The following FARSB variants were observed in gnomAD, a reference collection of about 807,000 sequenced individuals.
FARSB encodes the protein phenylalanyl-tRNA synthetase subunit beta, also known as phenylalanine--tRNA ligase beta subunit.
In FARSB, 40 loss-of-function variants were observed where a neutral mutation model predicts 69.6. The observed-to-expected ratio is 0.57, with a 90% CI of 0.45 to 0.75. The LOEUF (loss-of-function observed/expected upper bound fraction) is 0.75, where lower values mean the gene tolerates loss of function less well. Among genes scored for constraint, FARSB ranks in the 30% least tolerant of loss-of-function variants. FARSB has a pLI of 0.00. For missense variants in FARSB, 632 were observed against 722.9 expected, an observed-to-expected ratio of 0.87 and a Z score of 1.44; for synonymous variants, 235 against 247.2, an observed-to-expected ratio of 0.95 and a Z score of 0.46.
intron 16 of FARSB, among the ~76,000 whole-genome samples, chr2:222,581,452 G>C (rs568743662): frequency 1.3e-5 from 2 of 152,090 alleles, no homozygotes; most frequent in African/African-American, 4.8e-5. Context: ...CATAGTAAAA[G>C]AAACATTTCC....
chr2:222,575,927 C>G (rs1689828729), intron 16 of FARSB, among the ~76,000 whole-genome samples: 1 of 151,982 alleles, frequency 6.6e-6, no homozygotes, highest in African/African-American at 2.4e-5. Context: ...TTTGTAAGCT[C>G]CCTCTCTTGC....
intron 15 of FARSB, among the ~76,000 whole-genome samples, chr2:222,608,625 TC>T (rs1430129298): frequency 6.6e-6 from 1 of 152,204 alleles, no homozygotes; most frequent in East Asian, 1.9e-4. Flanking sequence ...ATTCTGTATT[TC>T]TACATCCAAA....
At chr2:222,623,620 A>G (rs1302426664) in intron 13 of FARSB, 30 bp downstream of exon 13, 1 of 1,218,214 alleles carries the variant, frequency 8.2e-7, no homozygotes, top group East Asian at 2.3e-5. Flanking sequence ...GTAAATAATC[A>G]TCTGGGCAGA....
At chr2:222,578,119 A>G (rs1559187692) in intron 16 of FARSB, among the ~76,000 whole-genome samples, 1 of 152,200 alleles carries the variant, frequency 6.6e-6, no homozygotes, top group East Asian at 1.9e-4. Context: ...CCATCATCCT[A>G]TATTTGTCTG....
chr2:222,650,225 C>A (rs1457914567), intron 1 of FARSB, among the ~76,000 whole-genome samples: 1 of 152,176 alleles, frequency 6.6e-6, no homozygotes, highest in Non-Finnish European at 1.5e-5. Flanking sequence ...AAGTTCATAT[C>A]AGAAGATATG....
rs373574861 is a variant in FARSB at position 222,620,984 on chromosome 2, T to G, written c.1252-1247A>C. ...CAGCTCCCGGATCTGCTACAGCTGC[T>G]GAGATGGAGAATGGTGACATGCACA... On this transcript the variant is annotated intron_variant, in intron 13 of 16. Coordinates refer to ENST00000281828, the MANE Select transcript of FARSB (RefSeq NM_005687.5). 1.8e-4 allele frequency among the ~76,000 whole-genome samples: 28 copies of G among 152,322 alleles called. No homozygotes were observed. In the East Asian group the frequency reaches 5.2e-3, roughly 28 times the overall value.
intron 2 of FARSB, chr2:222,644,653 A>G: frequency 2.8e-6 from 1 of 361,354 alleles, no homozygotes. Flanking sequence ...CACAGGGGAT[A>G]TGTTTCAAGC....
chr2:222,585,306 A>G (rs1322584151), intron 16 of FARSB, among the ~76,000 whole-genome samples: 1 of 152,248 alleles, frequency 6.6e-6, no homozygotes, highest in Non-Finnish European at 1.5e-5. Flanking sequence ...AAACTAACGA[A>G]CAGAAAGGAA....
intron 16 of FARSB, among the ~76,000 whole-genome samples, chr2:222,596,807 A>G (rs557350821): frequency 5.1e-4 from 77 of 152,142 alleles, no homozygotes; most frequent in African/African-American, 1.7e-3. Flanking sequence ...GTGTGTGTGT[A>G]TTTTATATAC....
At chr2:222,655,697 G>C (rs924966660) in intron 1 of FARSB, among the ~76,000 whole-genome samples, 3 of 152,230 alleles carry the variant, frequency 2.0e-5, no homozygotes, top group African/African-American at 7.2e-5. Flanking sequence ...GGCTACGCTC[G>C]GGATGCAACC....
chr2:222,596,815 T>TAC (rs1295155589), intron 16 of FARSB, among the ~76,000 whole-genome samples: 1 of 152,108 alleles, frequency 6.6e-6, no homozygotes, highest in East Asian at 1.9e-4. Context: ...GTATTTTATA[T>TAC]ACACACACAC....
At chr2:222,616,693 A>G (rs981996461) in intron 14 of FARSB, among the ~76,000 whole-genome samples, 2 of 152,148 alleles carry the variant, frequency 1.3e-5, no homozygotes, top group East Asian at 1.9e-4. Context: ...AAAATTTTAC[A>G]TATTTTAGCC....
intron 9 of FARSB, among the ~76,000 whole-genome samples, 179 bp downstream of exon 9, chr2:222,629,934 T>C (rs1197785815): frequency 6.6e-6 from 1 of 152,038 alleles, no homozygotes; most frequent in Admixed American, 6.6e-5. Context: ...AGATATGGCA[T>C]CTTCTTGTGT....
intron 2 of FARSB, among the ~76,000 whole-genome samples, chr2:222,647,968 G>T (rs953601305): frequency 1.3e-5 from 2 of 152,104 alleles, no homozygotes; most frequent in African/African-American, 2.4e-5. Context: ...AGTAGGGCTG[G>T]TTTTTTCCTA....
intron 1 of FARSB, among the ~76,000 whole-genome samples, chr2:222,653,490 C>T (rs1008134747): frequency 6.6e-6 from 1 of 151,870 alleles, no homozygotes; most frequent in Non-Finnish European, 1.5e-5. Context: ...CACATGTTTG[C>T]TGAACATGCT....
chr2:222,622,809 C>G (rs1691173817), intron 13 of FARSB, among the ~76,000 whole-genome samples: 1 of 152,196 alleles, frequency 6.6e-6, no homozygotes, highest in Non-Finnish European at 1.5e-5. Flanking sequence ...CTCTCAGCCT[C>G]AGGCTTCCTC....
Position 222,623,743 on chromosome 2 carries a change from G to A in FARSB, c.1171-13C>T. On this transcript the variant is annotated splice_polypyrimidine_tract_variant and intron_variant, in intron 12 of 16. Coordinates refer to ENST00000281828, the MANE Select transcript of FARSB (RefSeq NM_005687.5). ...TATTAAGAGGAAACTGAAAAAAAAA[G>A]CATCCACTTGATTTCACCGCAATTA... 2 of 1,530,816 alleles carry A rather than the reference G, an allele frequency of 1.3e-6. No homozygotes were observed. The highest frequency in any genetic ancestry group is 1.8e-6 in the Non-Finnish European group (2 of 1,107,168). The allele number at this position is 1,530,816 out of a possible 1,614,324, so 94.8% of individuals were successfully genotyped here.
intron 1 of FARSB, among the ~76,000 whole-genome samples, chr2:222,655,114 T>A (rs941168128): frequency 6.6e-6 from 1 of 152,052 alleles, no homozygotes; most frequent in Non-Finnish European, 1.5e-5. Flanking sequence ...AGAAAATTGC[T>A]TGAACAGGGA....
intron 16 of FARSB, among the ~76,000 whole-genome samples, chr2:222,590,971 A>G (rs1266594992): frequency 6.6e-6 from 1 of 152,196 alleles, no homozygotes; most frequent in African/African-American, 2.4e-5. Context: ...GAACACATCA[A>G]TGGAGATGGG....
Sources: allele counts gnomAD v4.1 joint callset (sites outside exome capture counted in the v4.1 genomes callset), GRCh38; gene constraint gnomAD v4.1.1; transcripts MANE v1.5; gene names NCBI Gene and HGNC (gene_info 2026-07-23, HGNC 2026-07-21).